The following ARSB variants were observed in gnomAD, a reference collection of about 807,000 sequenced individuals.
ARSB encodes arylsulfatase B.
Under a neutral mutation model 50.9 loss-of-function variants are expected in ARSB, and 41 were observed. The ratio of observed to expected loss-of-function variants is 0.81; its 90% confidence interval spans 0.63 to 1.04. The LOEUF (loss-of-function observed/expected upper bound fraction) is 1.04. ARSB is among the 50% of genes least tolerant of loss of function. The probability of loss-of-function intolerance (pLI) is 0.00; values close to 1 mark genes in which losing one functional copy is unlikely to be tolerated. For missense variants in ARSB, 672 were observed against 693.3 expected, an observed-to-expected ratio of 0.97 and a Z score of 0.35; for synonymous variants, 269 against 284.8, an observed-to-expected ratio of 0.94 and a Z score of 0.56.
At chr5:78,856,453 T>C (rs995149091) in intron 5 of ARSB, among the ~76,000 whole-genome samples, 1 of 152,240 alleles carries the variant, frequency 6.6e-6, no homozygotes, top group African/African-American at 2.4e-5. Flanking sequence ...AATATCTTAA[T>C]ATATGCCATA....
At chr5:78,925,057 G>A (rs777209775) in intron 4 of ARSB, among the ~76,000 whole-genome samples, 2 of 152,190 alleles carry the variant, frequency 1.3e-5, no homozygotes, top group African/African-American at 2.4e-5. Flanking sequence ...GGAAGAGGCT[G>A]TTTATGTCTG....
intron 6 of ARSB, among the ~76,000 whole-genome samples, chr5:78,807,336 G>C (rs1450501027): frequency 6.6e-6 from 1 of 152,200 alleles, no homozygotes; most frequent in Non-Finnish European, 1.5e-5. Flanking sequence ...TTGGCTTCCA[G>C]GTTGATTTAG....
intron 6 of ARSB, among the ~76,000 whole-genome samples, chr5:78,820,592 C>T (rs572489690): frequency 2.0e-4 from 30 of 152,272 alleles, no homozygotes; most frequent in Middle Eastern, 6.8e-3. Context: ...TAAATATACA[C>T]TGCTACATGA....
At chr5:78,797,005 G>A (rs1460252191) in intron 6 of ARSB, among the ~76,000 whole-genome samples, 2 of 151,274 alleles carry the variant, frequency 1.3e-5, no homozygotes, top group Admixed American at 6.6e-5. Context: ...AGCCTCCCAA[G>A]TAGCTGGGAC....
intron 6 of ARSB, among the ~76,000 whole-genome samples, chr5:78,793,630 C>T (rs1187903851): frequency 6.6e-6 from 1 of 152,132 alleles, no homozygotes; most frequent in East Asian, 1.9e-4. Flanking sequence ...GCCATGGTCC[C>T]CCCAAACTAA....
chr5:78,810,530 G>A (rs1226984627), intron 6 of ARSB, among the ~76,000 whole-genome samples: 1 of 152,222 alleles, frequency 6.6e-6, no homozygotes, highest in African/African-American at 2.4e-5. Flanking sequence ...AGGGGGTAGA[G>A]TTTGTCTGTT....
At chr5:78,855,058 G>A (rs1042864901) in intron 5 of ARSB, among the ~76,000 whole-genome samples, 1 of 152,298 alleles carries the variant, frequency 6.6e-6, no homozygotes, top group Non-Finnish European at 1.5e-5. Flanking sequence ...GACTTCAGGA[G>A]GCTAGTACAG....
At chr5:78,924,423 G>A (rs1003857437) in intron 4 of ARSB, among the ~76,000 whole-genome samples, 6 of 152,188 alleles carry the variant, frequency 3.9e-5, no homozygotes, top group Admixed American at 3.9e-4. Flanking sequence ...AACCTGCCAT[G>A]TCTACTTGGC....
chr5:78,965,030 C>T (rs994670387), intron 2 of ARSB, among the ~76,000 whole-genome samples: 1 of 152,128 alleles, frequency 6.6e-6, no homozygotes, highest in African/African-American at 2.4e-5. Context: ...ACTGATGTTG[C>T]GAGACTGGCT....
chr5:78,867,441 G>C (rs2112130157), intron 5 of ARSB, among the ~76,000 whole-genome samples: 1 of 152,344 alleles, frequency 6.6e-6, no homozygotes, highest in Non-Finnish European at 1.5e-5. Context: ...GAAGAGAGCA[G>C]TGGTTCTCCC....
At chr5:78,852,573 T>G (rs961762947) in intron 5 of ARSB, among the ~76,000 whole-genome samples, 2 of 151,956 alleles carry the variant, frequency 1.3e-5, no homozygotes, top group Non-Finnish European at 2.9e-5. Flanking sequence ...TTGTGGCATT[T>G]TCTGTATTTC....
chr5:78,782,176 TA>T (rs761082363), intron 6 of ARSB, among the ~76,000 whole-genome samples: 7 of 152,088 alleles, frequency 4.6e-5, no homozygotes, highest in Non-Finnish European at 1.0e-4. Flanking sequence ...CCACCGCAAA[TA>T]TAAAGGAAAT....
intron 5 of ARSB, among the ~76,000 whole-genome samples, chr5:78,857,083 A>G (rs931164160): frequency 1.3e-5 from 2 of 152,236 alleles, no homozygotes; most frequent in Non-Finnish European, 2.9e-5. Flanking sequence ...TTCTGCAGAC[A>G]TGGAAATAAT....
upstream of ARSB, chr5:78,985,394 C>G: frequency 1.3e-6 from 1 of 749,850 alleles, no homozygotes; most frequent in Non-Finnish European, 1.8e-6. Flanking sequence ...GCCGGGCGCT[C>G]GGCCCCCGCC....
intron 4 of ARSB, among the ~76,000 whole-genome samples, chr5:78,931,188 A>G (rs1040458163): frequency 3.3e-5 from 5 of 152,254 alleles, no homozygotes; most frequent in African/African-American, 9.6e-5. Context: ...CAAGGAGAGT[A>G]AAATGGGAAA....
chr5:78,904,689 T>C (rs1395578352), intron 4 of ARSB, among the ~76,000 whole-genome samples: 5 of 142,028 alleles, frequency 3.5e-5, no homozygotes, highest in African/African-American at 7.8e-5. Flanking sequence ...TTCTTTCTTT[T>C]TTTTTTTTTT....
intron 6 of ARSB, among the ~76,000 whole-genome samples, chr5:78,791,781 A>G (rs995343126): frequency 1.3e-5 from 2 of 152,216 alleles, no homozygotes; most frequent in Non-Finnish European, 2.9e-5. Context: ...TTAATTCCCT[A>G]AAATACACTG....
intron 6 of ARSB, among the ~76,000 whole-genome samples, chr5:78,816,796 G>C (rs532801945): frequency 2.0e-5 from 3 of 152,186 alleles, no homozygotes; most frequent in Non-Finnish European, 4.4e-5. Flanking sequence ...AGTCCTTGCG[G>C]AGACAACAGG....
At chr5:78,930,192 C>T (rs60585312) in intron 4 of ARSB, among the ~76,000 whole-genome samples, 3 of 152,142 alleles carry the variant, frequency 2.0e-5, no homozygotes, top group African/African-American at 7.2e-5. Flanking sequence ...CTACGGCCAG[C>T]ACTGTCAGCG....
Sources: allele counts gnomAD v4.1 joint callset (sites outside exome capture counted in the v4.1 genomes callset), GRCh38; gene constraint gnomAD v4.1.1; transcripts MANE v1.5; gene names NCBI Gene and HGNC (gene_info 2026-07-23, HGNC 2026-07-21).